PTPRD: variants seen among roughly 807,000 people sequenced by gnomAD.
The protein encoded by PTPRD is receptor-type tyrosine-protein phosphatase delta.
In PTPRD, 34 loss-of-function variants were observed where a neutral mutation model predicts 214.5. The observed-to-expected ratio is 0.16, with a 90% confidence interval of 0.12 to 0.21. The LOEUF is 0.21. PTPRD is among the 10% of genes least tolerant of loss of function. The pLI is 1.00. For missense variants in PTPRD, 2,545 were observed against 2,398.7 expected (o/e 1.06, Z -1.27); for synonymous variants, 1,128 against 845.7 (o/e 1.33, Z -5.79).
intron 2 of PTPRD, among the ~76,000 whole-genome samples, chr9:10,427,305 T>C (rs1022075721): frequency 1.3e-5 from 2 of 152,080 alleles, no homozygotes; most frequent in Admixed American, 6.6e-5. Context: ...CACACCACTA[T>C]GAAACCTATG....
chr9:10,511,455 G>C (rs2047972575), intron 2 of PTPRD, among the ~76,000 whole-genome samples: 3 of 151,998 alleles, frequency 2.0e-5, no homozygotes, highest in African/African-American at 7.3e-5. Flanking sequence ...CCAGGCTGTA[G>C]TGCGATGGTG....
chr9:8,389,535 G>A, intron 36 of PTPRD, 128 bp from the exon 37 acceptor site: 1 of 633,652 alleles, frequency 1.6e-6, no homozygotes. Context: ...TATATTGAAG[G>A]TCGGGTTTCA....
chr9:10,564,527 G>C (rs971372396), intron 2 of PTPRD, among the ~76,000 whole-genome samples: 15 of 151,952 alleles, frequency 9.9e-5, no homozygotes, highest in Admixed American at 3.3e-4. Flanking sequence ...GGGCTAAAGT[G>C]ATTCTTTCCA....
intron 9 of PTPRD, among the ~76,000 whole-genome samples, chr9:9,270,036 A>C (rs942092558): frequency 1.1e-4 from 17 of 150,652 alleles, no homozygotes; most frequent in Admixed American, 1.0e-3. Context: ...CATGTTAATA[A>C]TGTGTTATAT....
At chr9:9,954,510 A>G (rs946765668) in intron 4 of PTPRD, among the ~76,000 whole-genome samples, 3 of 151,958 alleles carry the variant, frequency 2.0e-5, no homozygotes, top group African/African-American at 7.2e-5. Context: ...TATAAAATAC[A>G]TAATCAGACA....
chr9:9,889,133 G>A (rs2072205479), intron 5 of PTPRD, among the ~76,000 whole-genome samples: 1 of 152,086 alleles, frequency 6.6e-6, no homozygotes, highest in Admixed American at 6.6e-5. Flanking sequence ...GGGTGGTGGA[G>A]GAAGTTGGGG....
At chr9:9,078,657 G>A (rs548282887) in intron 10 of PTPRD, among the ~76,000 whole-genome samples, 21 of 151,820 alleles carry the variant, frequency 1.4e-4, no homozygotes, top group Non-Finnish European at 2.4e-4. Context: ...TTTTTTTACT[G>A]GGGAGTGTTC....
chr9:10,035,963 G>C (rs951499273), intron 3 of PTPRD, among the ~76,000 whole-genome samples: 6 of 152,024 alleles, frequency 3.9e-5, no homozygotes, highest in Non-Finnish European at 8.8e-5. Flanking sequence ...GGAGGACATA[G>C]GTGAGTGTCT....
At chr9:10,326,542 T>C (rs956061284) in intron 3 of PTPRD, among the ~76,000 whole-genome samples, 8 of 151,720 alleles carry the variant, frequency 5.3e-5, no homozygotes, top group Non-Finnish European at 1.0e-4. Context: ...TGGTCCATTA[T>C]AGATAAATTG....
intron 34 of PTPRD, among the ~76,000 whole-genome samples, chr9:8,445,000 C>G (rs1488831743): frequency 6.6e-6 from 1 of 152,104 alleles, no homozygotes; most frequent in African/African-American, 2.4e-5. Context: ...TTCCCTTCTT[C>G]CATAGATCTT....
chr9:9,991,726 T>G (rs1227058682), intron 4 of PTPRD, among the ~76,000 whole-genome samples: 1 of 152,074 alleles, frequency 6.6e-6, no homozygotes, highest in African/African-American at 2.4e-5. Context: ...ATAGGGATGA[T>G]GTATATACCA....
At chr9:8,452,945 A>G (rs1259442300) in intron 33 of PTPRD, among the ~76,000 whole-genome samples, 1 of 152,208 alleles carries the variant, frequency 6.6e-6, no homozygotes, top group Non-Finnish European at 1.5e-5. Flanking sequence ...CTTATTAGAA[A>G]TATCTACCAT....
At chr9:9,600,575 G>C (rs573400690) in intron 7 of PTPRD, among the ~76,000 whole-genome samples, 2 of 152,218 alleles carry the variant, frequency 1.3e-5, no homozygotes, top group Admixed American at 6.5e-5. Flanking sequence ...CATAAACATA[G>C]TTTGGGTATC....
Position 8,436,689 on chromosome 9 carries a change from C to A in PTPRD, c.3989G>T (p.Gly1330Val), listed in dbSNP as rs753474751. ...ELRRLNFQTP[G>V]MASHPPIPIL... The stretch of plus-strand genomic sequence containing the variant: ...GGGTATTGGAGGATGGCTAGCCATA[C>A]CTATTGAAAAAAGCAAAGAAGAAAC... Residue 1330 changes from glycine to valine, a missense_variant and splice_region_variant, in exon 35 of 46, where the codon GGT becomes GTT. Coordinates refer to ENST00000381196, the MANE Select transcript of PTPRD (RefSeq NM_002839.4). 1 of 1,609,586 alleles carries A rather than the reference C, an allele frequency of 6.2e-7. No homozygotes were observed. Among genetic ancestry groups the A allele is most frequent in the East Asian group, 2.2e-5 (1 of 44,782 alleles).
chr9:10,565,277 T>C (rs776674866), intron 2 of PTPRD, among the ~76,000 whole-genome samples: 6 of 152,074 alleles, frequency 3.9e-5, no homozygotes, highest in Non-Finnish European at 8.8e-5. Flanking sequence ...GAAAATAAAA[T>C]TTTAAGTAAT....
chr9:9,533,291 G>C (rs996829989), intron 8 of PTPRD, among the ~76,000 whole-genome samples: 1 of 152,202 alleles, frequency 6.6e-6, no homozygotes, highest in East Asian at 1.9e-4. Context: ...AATGGTTCCA[G>C]TGATGACTTT....
intron 12 of PTPRD, among the ~76,000 whole-genome samples, chr9:8,662,424 G>A (rs112536989): frequency 6.6e-6 from 1 of 152,084 alleles, no homozygotes; most frequent in Non-Finnish European, 1.5e-5. Context: ...CTCTGCTGCT[G>A]GTTATGTTCA....
chr9:9,336,569 T>C (rs1435959533), intron 9 of PTPRD, among the ~76,000 whole-genome samples: 1 of 152,084 alleles, frequency 6.6e-6, no homozygotes, highest in Non-Finnish European at 1.5e-5. Context: ...ATTAAGCAAA[T>C]TATTCTCTAT....
intron 7 of PTPRD, among the ~76,000 whole-genome samples, chr9:9,623,259 G>C (rs140524510): frequency 1.9e-4 from 29 of 152,254 alleles, no homozygotes; most frequent in African/African-American, 7.0e-4. Flanking sequence ...AAAAGAAACT[G>C]GGTGGTTCTT....
Sources: gnomAD v4.1 joint callset for allele counts (sites outside exome capture counted in the v4.1 genomes callset) on GRCh38, gnomAD v4.1.1 for gene constraint, MANE v1.5 for transcripts, NCBI Gene and HGNC (gene_info 2026-07-23, HGNC 2026-07-21) for gene names.